The following BEAN1 variants were observed in gnomAD, a reference collection of about 807,000 sequenced individuals.
BEAN1 encodes protein BEAN1.
Under a neutral mutation model 17.7 loss-of-function variants are expected in BEAN1, and 17 were observed. The ratio of observed to expected loss-of-function variants is 0.96; its 90% CI spans 0.66 to 1.44. The LOEUF (loss-of-function observed/expected upper bound fraction) is 1.44, where lower values mean the gene tolerates loss of function less well. Among genes scored for constraint, BEAN1 ranks in the 40% most tolerant of loss-of-function variants. The probability of loss-of-function intolerance (pLI) is 0.00; values close to 1 mark genes in which losing one functional copy is unlikely to be tolerated. For synonymous variants in BEAN1, 142 were observed against 151.8 expected (o/e 0.94, Z 0.47); for missense variants, 359 against 374.1 (o/e 0.96, Z 0.33).
chr16:66,487,209 T>C (rs776055101), downstream of BEAN1, among the ~76,000 whole-genome samples: 5 of 152,228 alleles, frequency 3.3e-5, no homozygotes, highest in Non-Finnish European at 1.5e-5. Context: ...AACATAAATT[T>C]GGGCAAAAGG....
At chr16:66,462,433 C>T (rs1340350795) in intron 2 of BEAN1, among the ~76,000 whole-genome samples, 1 of 152,220 alleles carries the variant, frequency 6.6e-6, no homozygotes, top group African/African-American at 2.4e-5. Context: ...TTCACTCAGT[C>T]ACCCAACAAA....
chr16:66,439,488 C>T (rs544135952), intron 2 of BEAN1, among the ~76,000 whole-genome samples: 5 of 152,278 alleles, frequency 3.3e-5, no homozygotes, highest in South Asian at 2.1e-4. Context: ...ATGCTGAGTG[C>T]GGAGGGCTTT....
At chr16:66,488,738 G>A (rs1043106543) in intron 4 of BEAN1, among the ~76,000 whole-genome samples, 1 of 151,506 alleles carries the variant, frequency 6.6e-6, no homozygotes, top group African/African-American at 2.4e-5. Context: ...AAACTACACT[G>A]CTGGCTTTTA....
chr16:66,457,993 G>A (rs1169007627), intron 2 of BEAN1, among the ~76,000 whole-genome samples: 3 of 152,294 alleles, frequency 2.0e-5, no homozygotes, highest in African/African-American at 7.2e-5. Context: ...TTCAGCAGTG[G>A]AGGAAGAGTG....
intron 2 of BEAN1, among the ~76,000 whole-genome samples, chr16:66,438,691 C>A (rs567263905): frequency 6.6e-6 from 1 of 152,260 alleles, no homozygotes; most frequent in African/African-American, 2.4e-5. Flanking sequence ...ACTGCAGCCC[C>A]CTCGACTTCT....
intron 2 of BEAN1, among the ~76,000 whole-genome samples, chr16:66,438,424 G>C (rs1332205457): frequency 6.6e-6 from 1 of 152,096 alleles, no homozygotes; most frequent in Non-Finnish European, 1.5e-5. Context: ...GTGTTGTGAG[G>C]CTCCCATAGG....
At position 66,477,638 on chromosome 16, in the gene BEAN1, C is replaced by T. The variant is rs759102185; in HGVS notation, c.368C>T (p.Pro123Leu). Residue 123 changes from proline (P) to leucine (L), a missense_variant, in exon 4 of 5, where the codon CCC becomes CTC. Coordinates refer to ENST00000536005, the MANE Select transcript of BEAN1 (RefSeq NM_001178020.3). ...AGCTCCTCAGAGGACTGGCCCCCAC[C>T]CTTGGACATCAGCTCTGACGGGGAC... Reference protein sequence around the residue: ...ACSSSEDWPPPLDISSDGDVD... With the variant: ...ACSSSEDWPPLLDISSDGDVD... The T allele has an allele frequency of 5.8e-6, 9 of 1,551,210 alleles. No individual in the cohort carries two copies. The highest frequency in any genetic ancestry group is 8.7e-7 in the Non-Finnish European group (1 of 1,146,792).
chr16:66,443,548 G>A (rs1208559179), intron 2 of BEAN1, among the ~76,000 whole-genome samples: 2 of 152,188 alleles, frequency 1.3e-5, no homozygotes, highest in Admixed American at 6.5e-5. Flanking sequence ...AATCCACTCT[G>A]CCACAGGACT....
At chr16:66,470,175 G>A (rs1183473646) in intron 3 of BEAN1, 6 of 328,486 alleles carry the variant, frequency 1.8e-5, no homozygotes, top group Non-Finnish European at 3.1e-5. Context: ...TGTCTCGATG[G>A]ATGGATGGAT....
rs1963477230 is a variant in BEAN1, at chr16:66,471,415, C to G, written c.289+1550C>G. Among the ~76,000 whole-genome samples, 1 of 152,218 alleles carries G rather than the reference C, an allele frequency of 6.6e-6. No individual in the cohort carries two copies. Among genetic ancestry groups the G allele is most frequent in the Admixed American group, 6.5e-5 (1 of 15,282 alleles). ...GCCTGACCTGGCACCCACAGGCTGC[C>G]CCGCTGCACAGCACTGCCCAGGAAG... On this transcript the variant is annotated intron_variant, in intron 3 of 4. Coordinates refer to ENST00000536005, the MANE Select transcript of BEAN1 (RefSeq NM_001178020.3). The surrounding 1 kb of genome is among the most constrained non-coding windows in gnomAD (Gnocchi z 4.7).
In BEAN1 at chr16:66,471,463, C is replaced by T. The variant is rs186530098; in HGVS notation, c.289+1598C>T. 1.8e-3 allele frequency among the ~76,000 whole-genome samples: 275 copies of T among 152,356 alleles called. 2 individuals are homozygous for T. Among genetic ancestry groups the T allele is most frequent in the Non-Finnish European group, 3.1e-3 (214 of 68,024 alleles). On this transcript the variant is annotated intron_variant, in intron 3 of 4. Coordinates refer to ENST00000536005, the MANE Select transcript of BEAN1 (RefSeq NM_001178020.3). This position sits in a 1 kb window ranked among gnomAD's most constrained non-coding sequence, Gnocchi z 4.7. ...AAGGGAGCTGGAGGTGTCGGGGAGA[C>T]GCCCCTGGGAGCCGCCCCGTGGGCT...
Position 66,474,273 on chromosome 16 carries a change from T to C in BEAN1, c.290-3287T>C, listed in dbSNP as rs145074361. Reference sequence around the variant, plus strand: ...ACATGCTCAATAAATGTGAGCTATTTTCATCATCTCTTTCTCCAAGAAAAC... The same window carrying C: ...ACATGCTCAATAAATGTGAGCTATTCTCATCATCTCTTTCTCCAAGAAAAC... On this transcript the variant is annotated intron_variant, in intron 3 of 4. Coordinates refer to ENST00000536005, the MANE Select transcript of BEAN1 (RefSeq NM_001178020.3). Among the ~76,000 whole-genome samples, 13 of 152,128 alleles carry C rather than the reference T, an allele frequency of 8.5e-5. No homozygotes were observed. The East Asian group carries it at 2.5e-3, about 30-fold the overall frequency.
intron 3 of BEAN1, among the ~76,000 whole-genome samples, chr16:66,470,447 A>G (rs756160907): frequency 1.3e-5 from 2 of 151,842 alleles, no homozygotes; most frequent in Non-Finnish European, 2.9e-5. Context: ...AGATGGGTGG[A>G]TTGAGTGTTA....
chr16:66,469,592 C>G lies in BEAN1; in HGVS notation c.26-10C>G, dbSNP rs1280338226. 113 of 1,533,844 alleles carry G rather than the reference C, an allele frequency of 7.4e-5. 1 individual carries two copies. In the East Asian group the frequency reaches 2.7e-3, roughly 37 times the overall value. ...GGCTCCAGCTCAGTGTCCTCTCTCT[C>G]TGTCCACAGTAGCACGATACAACCG... On this transcript the variant is annotated splice_polypyrimidine_tract_variant and intron_variant, in intron 2 of 4. Transcript: ENST00000536005.
Position 66,457,314 on chromosome 16 carries a change from G to A in BEAN1, c.26-12288G>A, listed in dbSNP as rs1962907390. 1.3e-5 allele frequency among the ~76,000 whole-genome samples: 2 copies of A among 152,298 alleles called. 1 individual carries two copies. The highest frequency in any genetic ancestry group is 4.1e-4 in the South Asian group (2 of 4,820). ...TGCATAGATAGGTAAATGCCTGAGA[G>A]GATGGATGATTTGCTGGCTGGGTGA... On this transcript the variant is annotated intron_variant, in intron 2 of 4. Coordinates refer to ENST00000536005, the MANE Select transcript of BEAN1 (RefSeq NM_001178020.3).
intron 4 of BEAN1, 147 bp downstream of exon 4, chr16:66,477,857 C>T: frequency 1.2e-6 from 1 of 857,296 alleles, no homozygotes; most frequent in Non-Finnish European, 1.7e-6. Flanking sequence ...CACCTCCTCC[C>T]CACTCCTGAC....
rs1001572844 is a variant in BEAN1, at chr16:66,427,509, G to A, written c.-83+78G>A. 2.6e-5 allele frequency: 4 copies of A among 151,722 alleles called. No individual in the cohort carries two copies. Among genetic ancestry groups the A allele is most frequent in the Non-Finnish European group, 4.4e-5 (3 of 67,868 alleles). The allele number at this position is 151,722 out of a possible 1,614,324, so 9.4% of individuals were successfully genotyped here. ...GCCCCATTCCCCCGCGCTCTGCGGT[G>A]GTACCGGCGAACGACACACCCGGGG... On this transcript the variant is annotated intron_variant, in intron 1 of 4. Transcript: ENST00000536005. The surrounding 1 kb of genome is among the most constrained non-coding windows in gnomAD (Gnocchi z 4.7).
intron 1 of BEAN1, 71 bp from the exon 2 acceptor site, chr16:66,437,524 G>C (rs772374010): frequency 2.1e-5 from 18 of 876,074 alleles, no homozygotes; most frequent in Non-Finnish European, 2.7e-5. Flanking sequence ...CAGGAGATGT[G>C]AGCGCCCAGC....
chr16:66,458,234 C>A (rs924846856), intron 2 of BEAN1, among the ~76,000 whole-genome samples: 1 of 152,172 alleles, frequency 6.6e-6, no homozygotes, highest in Non-Finnish European at 1.5e-5. Flanking sequence ...CTGCAAAGAG[C>A]ACTTCCCTGA....
Sources: allele counts gnomAD v4.1 joint callset (sites outside exome capture counted in the v4.1 genomes callset), GRCh38; gene constraint gnomAD v4.1.1; non-coding constraint Gnocchi (gnomAD v3.1); transcripts MANE v1.5; gene names NCBI Gene and HGNC (gene_info 2026-07-23, HGNC 2026-07-21).